CD109: variants seen among roughly 807,000 people sequenced by gnomAD.
CD109 encodes the protein CD109 antigen.
In CD109, 149 loss-of-function variants were observed where a neutral mutation model predicts 165.8. That is an observed-to-expected ratio of 0.90 (90% CI 0.79 to 1.03). The LOEUF (loss-of-function observed/expected upper bound fraction) is 1.03. CD109 is among the 50% of genes least tolerant of loss of function. The pLI is 0.00. For missense variants in CD109, 1,712 were observed against 1,677.8 expected, an observed-to-expected ratio of 1.02 and a Z score of -0.36; for synonymous variants, 585 against 592.1, an observed-to-expected ratio of 0.99 and a Z score of 0.18.
At chr6:73,820,803 T>G (rs1352215455) in intron 32 of CD109, among the ~76,000 whole-genome samples, 1 of 152,192 alleles carries the variant, frequency 6.6e-6, no homozygotes, top group Admixed American at 6.5e-5. Flanking sequence ...TTTTTCATAA[T>G]GTTTTAGATT....
chr6:73,732,887 A>C (rs1281939524), intron 4 of CD109, among the ~76,000 whole-genome samples: 3 of 152,142 alleles, frequency 2.0e-5, no homozygotes, highest in Non-Finnish European at 4.4e-5. Flanking sequence ...CTTTCCTCTT[A>C]TTAGCTCTGG....
At chr6:73,770,156 G>A (rs1230370447) in intron 14 of CD109, among the ~76,000 whole-genome samples, 3 of 152,136 alleles carry the variant, frequency 2.0e-5, no homozygotes, top group Admixed American at 6.5e-5. Flanking sequence ...TGTCTTTCTT[G>A]ATGATTATAC....
At chr6:73,783,249 C>G (rs1774571915) in intron 18 of CD109, among the ~76,000 whole-genome samples, 1 of 152,186 alleles carries the variant, frequency 6.6e-6, no homozygotes, top group Admixed American at 6.5e-5. Flanking sequence ...GCAGGTAAAT[C>G]ATGAAATCCA....
intron 23 of CD109, among the ~76,000 whole-genome samples, chr6:73,793,139 T>C (rs1375913231): frequency 6.6e-6 from 1 of 152,220 alleles, no homozygotes; most frequent in Non-Finnish European, 1.5e-5. Flanking sequence ...TTGTGGAGTG[T>C]TTCTTAGTGC....
chr6:73,788,457 T>C lies in CD109; in HGVS notation c.2557-11T>C. ...AGAGACCATGTTAATTGTGTTCATT[T>C]TTTTCAACAGGCTGAAGGAATAGAA... On this transcript the variant is annotated splice_polypyrimidine_tract_variant and intron_variant, in intron 21 of 32. Coordinates refer to ENST00000287097, the MANE Select transcript of CD109 (RefSeq NM_133493.5). The C allele has an allele frequency of 6.2e-7, 1 of 1,607,388 alleles. No homozygotes were observed. Among genetic ancestry groups the C allele is most frequent in the Non-Finnish European group, 8.5e-7 (1 of 1,178,284 alleles).
chr6:73,767,927 T>A (rs1773907145), intron 13 of CD109, 128 bp from the exon 14 acceptor site: 2 of 770,222 alleles, frequency 2.6e-6, no homozygotes, highest in Middle Eastern at 3.7e-4. Context: ...TTTCCTGCAT[T>A]CCAAAAGACT....
At chr6:73,761,205 G>A (rs149923917) in intron 7 of CD109, among the ~76,000 whole-genome samples, 1,609 of 152,200 alleles carry the variant, frequency 0.011, 32 homozygotes, top group African/African-American at 0.037. Context: ...AACCTTCCTC[G>A]CTAATATTGG....
intron 2 of CD109, 44 bp from the exon 3 acceptor site, chr6:73,723,207 T>C (rs767257686): frequency 8.1e-6 from 13 of 1,610,864 alleles, no homozygotes; most frequent in African/African-American, 1.3e-5. Flanking sequence ...TATCATCATA[T>C]TCAAATTGTG....
intron 1 of CD109, 113 bp downstream of exon 1, chr6:73,696,402 T>TG: frequency 1.1e-6 from 1 of 887,844 alleles, no homozygotes; most frequent in Non-Finnish European, 1.5e-6. Flanking sequence ...GGGTGGGAAA[T>TG]GCCCTCGCGG....
rs1363420215 is a variant in CD109, at chr6:73,768,174, T to TG, written c.1621dup (p.Glu541GlyfsTer5). 1.9e-6 allele frequency: 3 copies of TG among 1,599,570 alleles called. No homozygotes were observed. The highest frequency in any genetic ancestry group is 2.6e-6 in the Non-Finnish European group (3 of 1,167,178). ...TAATTGTGTATTATATTGAAGATGA[T>TG]GGGGAAATTATAAGTGATGTTCTAA... On this transcript the variant is annotated frameshift_variant, in exon 14 of 33. Transcript: ENST00000287097. LOFTEE classifies it high-confidence loss of function.
rs1257272307 is a variant in CD109, at chr6:73,765,949, A to T, written c.1127A>T (p.Asp376Val). 7 of 1,613,758 alleles carry T rather than the reference A, an allele frequency of 4.3e-6. No homozygotes were observed. The highest frequency in any genetic ancestry group is 5.9e-6 in the Non-Finnish European group (7 of 1,179,876). The change falls in exon 11 of 33, where the codon GAT becomes GTT. Residue 376 changes from aspartate (D) to valine (V), a missense_variant. Coordinates refer to ENST00000287097, the MANE Select transcript of CD109 (RefSeq NM_133493.5). ...CATTAGGTGAAGGTAACTCGTGCTG[A>T]TGGCAACCAACTGACTCTTGAAGAA... Reference protein sequence around the residue: ...FTATVKVTRADGNQLTLEERR... With the variant: ...FTATVKVTRAVGNQLTLEERR...
intron 3 of CD109, 58 bp downstream of exon 3, chr6:73,723,337 A>T: frequency 7.9e-7 from 1 of 1,263,062 alleles, no homozygotes; most frequent in Non-Finnish European, 1.1e-6. Context: ...TGAACTAAAT[A>T]AATTAATATT....
intron 15 of CD109, among the ~76,000 whole-genome samples, chr6:73,775,817 C>A (rs2150241928): frequency 6.6e-6 from 1 of 152,280 alleles, no homozygotes; most frequent in East Asian, 1.9e-4. Flanking sequence ...TAATGACCTC[C>A]AGCTCCATCC....
At chr6:73,820,394 A>G in intron 31 of CD109, 67 bp from the exon 32 acceptor site, 2 of 808,332 alleles carry the variant, frequency 2.5e-6, no homozygotes, top group Non-Finnish European at 4.0e-6. Context: ...GAGAAAAAAG[A>G]AATGTCTTTA....
rs1375305051 is a variant in CD109 at position 73,758,998 on chromosome 6, C to T, written c.728C>T (p.Ser243Phe). The change falls in exon 7 of 33, where the codon TCT becomes TTT. Residue 243 changes from serine (S) to phenylalanine (F), a missense_variant. Physicochemically the swap from Ser to Phe is radical, Grantham distance 155 (BLOSUM62 -2). Transcript: ENST00000287097. ...LQTPLYCSMN[S>F]KHLNGTITAK... ...ACACCATTATATTGTTCTATGAATT[C>T]TAAGCATTTAAATGGTACCATCACG... The T allele has an allele frequency of 6.2e-7, 1 of 1,606,824 alleles. No homozygotes were observed. Among genetic ancestry groups the T allele is most frequent in the South Asian group, 1.1e-5 (1 of 90,650 alleles).
At chr6:73,717,827 A>C (rs186217151) in intron 2 of CD109, among the ~76,000 whole-genome samples, 3 of 151,068 alleles carry the variant, frequency 2.0e-5, no homozygotes, top group Non-Finnish European at 4.4e-5. Context: ...CACCGTGTTA[A>C]CCAGGACGGT....
At chr6:73,767,125 G>T in intron 13 of CD109, 115 bp downstream of exon 13, 3 of 806,550 alleles carry the variant, frequency 3.7e-6, no homozygotes, top group Non-Finnish European at 6.0e-6. Context: ...ATGTCATGGG[G>T]GTTTGTTGTA....
chr6:73,693,591 C>G (rs1770728043), upstream of CD109, among the ~76,000 whole-genome samples: 1 of 152,226 alleles, frequency 6.6e-6, no homozygotes, highest in South Asian at 2.1e-4. Flanking sequence ...TGCTCTGTCA[C>G]CCAGACTGGA....
At chr6:73,699,974 G>A (rs533160202) in intron 2 of CD109, among the ~76,000 whole-genome samples, 1 of 152,220 alleles carries the variant, frequency 6.6e-6, no homozygotes, top group Non-Finnish European at 1.5e-5. Context: ...GTAACAATAT[G>A]TAGATAAACC....
Sources: gnomAD v4.1 joint callset for allele counts (sites outside exome capture counted in the v4.1 genomes callset) on GRCh38, gnomAD v4.1.1 for gene constraint, MANE v1.5 for transcripts, NCBI Gene and HGNC (gene_info 2026-07-23, HGNC 2026-07-21) for gene names.